The following GPC4 variants were observed in gnomAD, a reference collection of about 807,000 sequenced individuals.
GPC4 encodes glypican 4.
Under a neutral mutation model 35.0 loss-of-function variants are expected in GPC4, and 10 were observed. The ratio of observed to expected loss-of-function variants is 0.29; its 90% CI spans 0.18 to 0.48. The LOEUF is 0.48. Ranked by LOEUF, GPC4 falls within the 20% of genes least tolerant of loss-of-function variation. GPC4 has a pLI of 0.99. For missense variants in GPC4, 322 were observed against 451.3 expected, an observed-to-expected ratio of 0.71 and a Z score of 2.60; for synonymous variants, 167 against 170.2, an observed-to-expected ratio of 0.98 and a Z score of 0.15.
At chrX:133,308,609 T>C (rs1167984392) in intron 4 of GPC4, among the ~76,000 whole-genome samples, 1 of 111,775 alleles carries the variant, frequency 8.9e-6, no homozygotes. Flanking sequence ...TCTCAATTCA[T>C]GGCCAGTTGC....
intron 4 of GPC4, among the ~76,000 whole-genome samples, chrX:133,306,459 G>C (rs1215069840): frequency 9.0e-6 from 1 of 111,512 alleles, no homozygotes; most frequent in Non-Finnish European, 1.9e-5. Flanking sequence ...CACTGTCACT[G>C]TAAGGCTCTT....
At chrX:133,304,472 T>C (rs991297566) in intron 7 of GPC4, among the ~76,000 whole-genome samples, 3 of 111,893 alleles carry the variant, frequency 2.7e-5, no homozygotes, top group Non-Finnish European at 5.6e-5. Context: ...ATGACACTAT[T>C]GGAACAGCCC....
intron 1 of GPC4, among the ~76,000 whole-genome samples, chrX:133,394,415 C>G (rs776625048): frequency 2.7e-5 from 3 of 111,024 alleles, no homozygotes; most frequent in East Asian, 5.6e-4. Context: ...AAACCATAAT[C>G]TCTGGAGGTC....
chrX:133,347,458 CTT>C (rs2068498480), intron 1 of GPC4, among the ~76,000 whole-genome samples: 1 of 109,528 alleles, frequency 9.1e-6, no homozygotes, highest in African/African-American at 3.3e-5. Context: ...CTACTTTACT[CTT>C]TTTCTAATTT....
chrX:133,386,794 A>G (rs1373905844), intron 1 of GPC4, among the ~76,000 whole-genome samples: 1 of 112,148 alleles, frequency 8.9e-6, no homozygotes, highest in Non-Finnish European at 1.9e-5. Context: ...TATGGTTTTG[A>G]GACAAAAGCC....
At chrX:133,349,372 C>T (rs1315853591) in intron 1 of GPC4, among the ~76,000 whole-genome samples, 1 of 112,461 alleles carries the variant, frequency 8.9e-6, no homozygotes, top group Non-Finnish European at 1.9e-5. Flanking sequence ...AGATGATTTT[C>T]CATATTATTT....
At position 133,303,360 on chromosome X, in the gene GPC4, C is replaced by CCAGT. The variant is rs1192786094; in HGVS notation, c.1293-23_1293-20dup. On this transcript the variant is annotated intron_variant, in intron 7 of 8. Transcript: ENST00000370828. ...CAGGTACCTGGAATGTAAAATGACC[C>CCAGT]CAGTAAGATGATTCGTAAAGCGAAA... 8.5e-7 allele frequency: 1 copy of CCAGT among 1,182,436 alleles called. No homozygotes were observed. The highest frequency in any genetic ancestry group is 1.1e-6 in the Non-Finnish European group (1 of 877,574).
rs946405898 is a variant in GPC4 at position 133,415,244 on chromosome X, G to C, written c.-279C>G. 5 of 297,368 alleles carry C rather than the reference G, an allele frequency of 1.7e-5. No homozygotes were observed. Among genetic ancestry groups the C allele is most frequent in the Non-Finnish European group, 2.9e-5 (5 of 171,077 alleles). The allele number at this position is 297,368 out of a possible 1,213,427, so 24.5% of individuals were successfully genotyped here. On this transcript the variant is annotated 5_prime_UTR_variant, in exon 1 of 9. Transcript: ENST00000370828. ...CCCAGGGAAGCAGAGGCGCGGGCTG[G>C]TGACCTCGGGGTTTCGCGGGGCAGC...
At chrX:133,398,849 C>T (rs1183758882) in intron 1 of GPC4, among the ~76,000 whole-genome samples, 4 of 111,102 alleles carry the variant, frequency 3.6e-5, no homozygotes, top group African/African-American at 3.3e-5. Context: ...TCTTGAAATA[C>T]GGAAGACTCT....
intron 1 of GPC4, 53 bp downstream of exon 1, chrX:133,414,753 T>C: frequency 8.5e-7 from 1 of 1,179,915 alleles, no homozygotes; most frequent in Non-Finnish European, 1.1e-6. Context: ...AGTTGCAGCC[T>C]CCCTTCCCGA....
intron 1 of GPC4, among the ~76,000 whole-genome samples, chrX:133,363,898 C>T (rs897298060): frequency 2.7e-5 from 3 of 111,779 alleles, no homozygotes; most frequent in Non-Finnish European, 5.6e-5. Flanking sequence ...TATGAATTTG[C>T]CTATTTTGTA....
At chrX:133,403,045 C>A (rs1162533200) in intron 1 of GPC4, among the ~76,000 whole-genome samples, 4 of 111,180 alleles carry the variant, frequency 3.6e-5, no homozygotes, top group Non-Finnish European at 7.5e-5. Context: ...ACATGAAATA[C>A]TAAGCGCCCA....
chrX:133,411,463 T>C (rs1444683434), intron 1 of GPC4, among the ~76,000 whole-genome samples: 1 of 112,211 alleles, frequency 8.9e-6, no homozygotes. Flanking sequence ...AGTATTTTCA[T>C]TTTTACTAGT....
At chrX:133,332,215 T>C (rs767896800) in intron 2 of GPC4, among the ~76,000 whole-genome samples, 27 of 111,843 alleles carry the variant, frequency 2.4e-4, no homozygotes, top group Non-Finnish European at 3.9e-4. Context: ...TATGGACAGG[T>C]AAGAAGAAAA....
At chrX:133,347,946 A>G (rs1371560459) in intron 1 of GPC4, among the ~76,000 whole-genome samples, 1 of 112,367 alleles carries the variant, frequency 8.9e-6, no homozygotes, top group Non-Finnish European at 1.9e-5. Context: ...TAAGACTGCC[A>G]ATTATTTCTA....
intron 3 of GPC4, among the ~76,000 whole-genome samples, chrX:133,312,180 T>C (rs1169160950): frequency 9.0e-6 from 1 of 111,254 alleles, no homozygotes; most frequent in Non-Finnish European, 1.9e-5. Flanking sequence ...GAGAGCATCC[T>C]GAGTTAAGTT....
chrX:133,354,576 T>TTA (rs1186139906), intron 1 of GPC4, among the ~76,000 whole-genome samples: 14 of 106,300 alleles, frequency 1.3e-4, no homozygotes, highest in Non-Finnish European at 1.2e-4. Flanking sequence ...TTATTTTTTT[T>TTA]TTTGAGACGG....
chrX:133,312,592 ACACT>A (rs1419788514), intron 3 of GPC4, among the ~76,000 whole-genome samples: 1 of 108,695 alleles, frequency 9.2e-6, no homozygotes, highest in Non-Finnish European at 1.9e-5. Context: ...TCTCACCACT[ACACT>A]CCAGCCTGTG....
At chrX:133,368,729 C>G (rs1216759504) in intron 1 of GPC4, among the ~76,000 whole-genome samples, 3 of 110,954 alleles carry the variant, frequency 2.7e-5, no homozygotes, top group Non-Finnish European at 5.7e-5. Flanking sequence ...ACTGCAACCT[C>G]TGCCTACCGG....
Sources: gnomAD v4.1 joint callset for allele counts (sites outside exome capture counted in the v4.1 genomes callset) on GRCh38, gnomAD v4.1.1 for gene constraint, MANE v1.5 for transcripts, NCBI Gene and HGNC (gene_info 2026-07-23, HGNC 2026-07-21) for gene names.